Variants in SNAPIN observed in about 807,000 individuals in gnomAD.
SNAPIN encodes the protein SNAP associated protein.
Under a neutral mutation model 15.9 loss-of-function variants are expected in SNAPIN, and 16 were observed. The ratio of observed to expected loss-of-function variants is 1.01; its 90% CI spans 0.68 to 1.53. The LOEUF (loss-of-function observed/expected upper bound fraction) is 1.53, where lower values mean the gene tolerates loss of function less well. SNAPIN is among the 40% of genes most tolerant of loss of function. The pLI is 0.00. For missense variants in SNAPIN, 186 were observed against 180.1 expected, an observed-to-expected ratio of 1.03 and a Z score of -0.19; for synonymous variants, 83 against 76.2, an observed-to-expected ratio of 1.09 and a Z score of -0.46.
At chr1:153,660,629 CAA>C (rs1412655564) in intron 3 of SNAPIN, among the ~76,000 whole-genome samples, 2 of 119,734 alleles carry the variant, frequency 1.7e-5, no homozygotes, top group East Asian at 2.3e-4. Flanking sequence ...GCCTGGGCAA[CAA>C]GAGCGAAACT....
At position 153,658,830 on chromosome 1, in the gene SNAPIN, G is replaced by A; in HGVS notation, c.87G>A (p.Leu29=). Residue 29 remains leucine, a synonymous_variant, in exon 1 of 4, where the codon CTG becomes CTA. Coordinates refer to ENST00000368685, the MANE Select transcript of SNAPIN (RefSeq NM_012437.6). ...PTGRDLFAEG[L]LEFLRPAVQQ... is the part of the protein sequence containing the mutation. ...GCCGCGACCTTTTCGCCGAAGGGCT[G>A]CTGGAGTTCCTGCGACCCGCTGTGC... 1.2e-6 allele frequency: 2 copies of A among 1,600,986 alleles called. No homozygotes were observed. Among genetic ancestry groups the A allele is most frequent in the East Asian group, 4.5e-5 (2 of 44,552 alleles).
chr1:153,658,821 C>G lies in SNAPIN; in HGVS notation c.78C>G (p.Ala26=). 1.3e-6 allele frequency: 2 copies of G among 1,596,396 alleles called. No individual in the cohort carries two copies. Among genetic ancestry groups the G allele is most frequent in the Non-Finnish European group, 1.7e-6 (2 of 1,175,546 alleles). Residue 26 remains alanine (A), a synonymous_variant, in exon 1 of 4, where the codon GCC becomes GCG. Transcript: ENST00000368685. ...GGCCCACAGGCCGCGACCTTTTCGC[C>G]GAAGGGCTGCTGGAGTTCCTGCGAC... ...VAGPTGRDLF[A]EGLLEFLRPA...
chr1:153,660,603 G>A (rs1272514248), intron 3 of SNAPIN, among the ~76,000 whole-genome samples: 2 of 145,328 alleles, frequency 1.4e-5, no homozygotes, highest in Non-Finnish European at 3.0e-5. Context: ...AGCTGAGATC[G>A]CACCATTGCA....
chr1:153,659,229 C>G, intron 2 of SNAPIN, 45 bp downstream of exon 2: 1 of 1,604,768 alleles, frequency 6.2e-7, no homozygotes, highest in Non-Finnish European at 8.5e-7. Context: ...AGCCCACTTT[C>G]AGGACCTTAG....
At position 153,660,305 on chromosome 1, in the gene SNAPIN, G is replaced by A. The variant is rs530808027; in HGVS notation, c.309+739G>A. On this transcript the variant is annotated intron_variant, in intron 3 of 3. Coordinates refer to ENST00000368685, the MANE Select transcript of SNAPIN (RefSeq NM_012437.6). The stretch of plus-strand genomic sequence containing the variant: ...CCCAAAACGCTGGGATTACAGGCGT[G>A]AGCCACTGCACCCGGCCTGCCTGGC... Among the ~76,000 whole-genome samples the A allele has an allele frequency of 6.0e-5, 9 of 150,972 alleles. No individual in the cohort carries two copies. The East Asian group carries it at 1.8e-3, about 30-fold the overall frequency.
rs757735068 is a variant in SNAPIN, at chr1:153,659,564, C to G, written c.307C>G (p.Gln103Glu). 1 of 1,601,340 alleles carries G rather than the reference C, an allele frequency of 6.2e-7. No homozygotes were observed. The highest frequency in any genetic ancestry group is 2.2e-5 in the East Asian group (1 of 44,824). Residue 103 changes from glutamine to glutamate, a missense_variant and splice_region_variant, in exon 3 of 4, where the codon CAG (glutamine) becomes GAG (glutamate). Coordinates refer to ENST00000368685, the MANE Select transcript of SNAPIN (RefSeq NM_012437.6). ...GGTTAACAACATTCTACAGAATGCT[C>G]AGGTAAAAGAATATCTTACCAACAG... ...VLVNNILQNA[Q>E]ERLRRLNHSV...
chr1:153,661,393 A>G lies in SNAPIN; in HGVS notation c.*92A>G, dbSNP rs1571332423. ...AAAGATCCTAGGAGACAGTCCCCAT[A>G]GACCTTCAGACATTAAAAAGGGAGC... On this transcript the variant is annotated 3_prime_UTR_variant, in exon 4 of 4. Coordinates refer to ENST00000368685, the MANE Select transcript of SNAPIN (RefSeq NM_012437.6). 12 of 924,772 alleles carry G rather than the reference A, an allele frequency of 1.3e-5. No homozygotes were observed. In the East Asian group the frequency reaches 1.3e-4, roughly 10 times the overall value. 57.3% of individuals were successfully genotyped at this position (924,772 alleles called of 1,614,324 possible).
chr1:153,660,096 C>T (rs1253510236), intron 3 of SNAPIN, among the ~76,000 whole-genome samples: 3 of 152,142 alleles, frequency 2.0e-5, no homozygotes, highest in Non-Finnish European at 2.9e-5. Flanking sequence ...GATAAAGGCT[C>T]ACTGCAGCCT....
chr1:153,660,331 C>CTTT (rs534699445), intron 3 of SNAPIN, among the ~76,000 whole-genome samples: 2,374 of 135,118 alleles, frequency 0.018, 78 homozygotes, highest in African/African-American at 0.063. Flanking sequence ...CCTGCCTGGC[C>CTTT]TTTTTTTTTT....
At position 153,661,208 on chromosome 1, in the gene SNAPIN, G is replaced by C; in HGVS notation, c.318G>C (p.Leu106=). 6.2e-7 allele frequency: 1 copy of C among 1,613,602 alleles called. No individual in the cohort carries two copies. Among genetic ancestry groups the C allele is most frequent in the Non-Finnish European group, 8.5e-7 (1 of 1,179,660 alleles). ...CCTTCCTTGTCTTGTAGGAACGACT[G>C]AGACGGCTAAACCACAGTGTTGCCA... The part of the protein sequence containing the change: ...NNILQNAQER[L]RRLNHSVAKE... The change falls in exon 4 of 4, where the codon CTG becomes CTC. Residue 106 remains leucine, a synonymous_variant. Transcript: ENST00000368685.
chr1:153,661,184 C>T lies in SNAPIN; in HGVS notation c.310-16C>T, dbSNP rs201793935. The T allele has an allele frequency of 2.1e-3, 3,419 of 1,610,080 alleles. 9 individuals are homozygous for T. The highest frequency in any genetic ancestry group is 2.3e-3 in the Non-Finnish European group (2,693 of 1,176,754). On this transcript the variant is annotated splice_polypyrimidine_tract_variant and intron_variant, in intron 3 of 3. Coordinates refer to ENST00000368685, the MANE Select transcript of SNAPIN (RefSeq NM_012437.6). ...TTTCACAGTGGTTAAGATTCCAAAC[C>T]TTCCTTGTCTTGTAGGAACGACTGA...
chr1:153,661,061 T>C (rs1669143382), intron 3 of SNAPIN, 139 bp from the exon 4 acceptor site: 5 of 590,996 alleles, frequency 8.5e-6, no homozygotes, highest in Non-Finnish European at 1.5e-5. Flanking sequence ...TGAGCCACCA[T>C]GCCCGGCCTA....
At chr1:153,660,059 A>G (rs1283667831) in intron 3 of SNAPIN, among the ~76,000 whole-genome samples, 3 of 151,710 alleles carry the variant, frequency 2.0e-5, no homozygotes, top group South Asian at 4.2e-4. Flanking sequence ...TACAAGGTCT[A>G]TCACCCAGGA....
rs12742546 is a variant in SNAPIN at position 153,660,652 on chromosome 1, A to T, written c.310-548A>T. ...AACAAGAGCGAAACTCCGTCTCGGG[A>T]AAAAAAAAAAAAAAAAAAAAAGACA... On this transcript the variant is annotated intron_variant, in intron 3 of 3. Transcript: ENST00000368685. Among the ~76,000 whole-genome samples, 6 of 105,646 alleles carry T rather than the reference A, an allele frequency of 5.7e-5. No individual in the cohort carries two copies. In the East Asian group the frequency reaches 7.1e-4, roughly 13 times the overall value. The allele number at this position is 105,646 out of a possible 152,430, so 69.3% of individuals were successfully genotyped here.
At chr1:153,661,070 T>C in intron 3 of SNAPIN, 130 bp from the exon 4 acceptor site, 1 of 646,646 alleles carries the variant, frequency 1.5e-6, no homozygotes, top group Non-Finnish European at 2.7e-6. Context: ...ATGCCCGGCC[T>C]ACATTCTTAT....
chr1:153,659,051 C>T, intron 1 of SNAPIN, 87 bp from the exon 2 acceptor site: 1 of 1,561,304 alleles, frequency 6.4e-7, no homozygotes, highest in Non-Finnish European at 8.8e-7. Context: ...AGGCCGGCTT[C>T]TCTCAGTACT....
intron 1 of SNAPIN, 116 bp from the exon 2 acceptor site, chr1:153,659,022 C>G (rs1428575004): frequency 6.5e-7 from 1 of 1,546,516 alleles, no homozygotes; most frequent in Non-Finnish European, 8.9e-7. Flanking sequence ...GGGAAGGCCG[C>G]AGGTGGAGGG....
At chr1:153,661,138 G>A in intron 3 of SNAPIN, 62 bp from the exon 4 acceptor site, 1 of 1,367,772 alleles carries the variant, frequency 7.3e-7, no homozygotes, top group Non-Finnish European at 1.0e-6. Context: ...TCAGCACCTA[G>A]TTCACTTACA....
rs1339274527 is a variant in SNAPIN at position 153,661,817 on chromosome 1, A to C, written c.*516A>C. Reference sequence around the variant, plus strand: ...GTTGATAGAATCATTTTATTCAATAAATACTTAAAATGATATTCTAGTTTA... The same window carrying C: ...GTTGATAGAATCATTTTATTCAATACATACTTAAAATGATATTCTAGTTTA... On this transcript the variant is annotated 3_prime_UTR_variant, in exon 4 of 4. Transcript: ENST00000368685. The C allele has an allele frequency of 6.4e-6, 1 of 155,172 alleles. No individual in the cohort carries two copies. Among genetic ancestry groups the C allele is most frequent in the African/African-American group, 2.4e-5 (1 of 41,444 alleles). 9.6% of individuals were successfully genotyped at this position (155,172 alleles called of 1,614,324 possible).
Sources: allele counts gnomAD v4.1 joint callset (sites outside exome capture counted in the v4.1 genomes callset), GRCh38; gene constraint gnomAD v4.1.1; transcripts MANE v1.5; gene names NCBI Gene and HGNC (gene_info 2026-07-23, HGNC 2026-07-21).